The following TBC1D5 variants were observed in gnomAD, a reference collection of about 807,000 sequenced individuals.
TBC1D5 encodes TBC1 domain family member 5.
In TBC1D5, 75 loss-of-function variants were observed where a neutral mutation model predicts 100.3. The ratio of observed to expected loss-of-function variants is 0.75; its 90% confidence interval spans 0.62 to 0.91. The LOEUF (loss-of-function observed/expected upper bound fraction) is 0.91, where lower values mean the gene tolerates loss of function less well. Ranked by LOEUF, TBC1D5 falls within the 40% of genes least tolerant of loss-of-function variation. The probability of loss-of-function intolerance (pLI) is 0.00; values close to 1 mark genes in which losing one functional copy is unlikely to be tolerated. For missense variants in TBC1D5, 910 were observed against 942.4 expected, an observed-to-expected ratio of 0.97 and a Z score of 0.45; for synonymous variants, 323 against 325.6, an observed-to-expected ratio of 0.99 and a Z score of 0.09.
chr3:17,217,935 T>G (rs752881472), intron 17 of TBC1D5, among the ~76,000 whole-genome samples: 5 of 152,068 alleles, frequency 3.3e-5, no homozygotes, highest in Admixed American at 6.6e-5. Flanking sequence ...AACTACTGCC[T>G]AACCTGAGGT....
At chr3:17,561,163 T>C (rs2096556533) in intron 2 of TBC1D5, among the ~76,000 whole-genome samples, 1 of 152,172 alleles carries the variant, frequency 6.6e-6, no homozygotes, top group South Asian at 2.1e-4. Context: ...CAGGCATGTT[T>C]ACCTTAAAAT....
intron 18 of TBC1D5, among the ~76,000 whole-genome samples, chr3:17,186,504 T>A (rs958893681): frequency 6.6e-6 from 1 of 150,670 alleles, no homozygotes; most frequent in Non-Finnish European, 1.5e-5. Flanking sequence ...AGGTCAGGAG[T>A]TCGAGACCAG....
chr3:17,398,055 A>C (rs1483929355), intron 8 of TBC1D5, among the ~76,000 whole-genome samples: 1 of 152,186 alleles, frequency 6.6e-6, no homozygotes, highest in Non-Finnish European at 1.5e-5. Flanking sequence ...TCTAATATGG[A>C]AATGATATTT....
At chr3:17,515,938 G>C (rs1244127944) in intron 2 of TBC1D5, among the ~76,000 whole-genome samples, 1 of 152,094 alleles carries the variant, frequency 6.6e-6, no homozygotes, top group African/African-American at 2.4e-5. Context: ...ACTGTAGTTG[G>C]GGATTTTAAA....
intron 13 of TBC1D5, among the ~76,000 whole-genome samples, chr3:17,366,873 T>C (rs1383675136): frequency 3.3e-5 from 5 of 151,966 alleles, no homozygotes; most frequent in Admixed American, 3.3e-4. Context: ...TAACCAAGAA[T>C]CTCCCCAATT....
chr3:17,554,545 T>C (rs1244412163), intron 2 of TBC1D5, among the ~76,000 whole-genome samples: 1 of 152,218 alleles, frequency 6.6e-6, no homozygotes, highest in Non-Finnish European at 1.5e-5. Flanking sequence ...AACTTTACTT[T>C]CCTATTATTC....
At chr3:17,483,639 A>G (rs2095525896) in intron 3 of TBC1D5, among the ~76,000 whole-genome samples, 1 of 152,208 alleles carries the variant, frequency 6.6e-6, no homozygotes, top group African/African-American at 2.4e-5. Context: ...GTATATTATT[A>G]AAAGTGTTCA....
chr3:17,610,019 T>A (rs1187309487), intron 2 of TBC1D5, among the ~76,000 whole-genome samples: 1 of 152,236 alleles, frequency 6.6e-6, no homozygotes, highest in African/African-American at 2.4e-5. Flanking sequence ...CTCTCTTCTG[T>A]ACATTCAGAT....
intron 1 of TBC1D5, among the ~76,000 whole-genome samples, chr3:17,670,079 G>A (rs910812264): frequency 8.5e-5 from 13 of 152,110 alleles, no homozygotes; most frequent in Admixed American, 7.2e-4. Flanking sequence ...GTAGAGATGG[G>A]TTTTCACTAT....
intron 15 of TBC1D5, among the ~76,000 whole-genome samples, chr3:17,274,495 A>G (rs1173458873): frequency 1.3e-5 from 2 of 152,234 alleles, no homozygotes; most frequent in African/African-American, 2.4e-5. Flanking sequence ...AGTGGAATAC[A>G]TAATAGAAAT....
intron 8 of TBC1D5, among the ~76,000 whole-genome samples, chr3:17,384,986 G>C (rs1488589615): frequency 1.3e-5 from 2 of 152,170 alleles, no homozygotes; most frequent in East Asian, 3.9e-4. Context: ...GAGTAGCATA[G>C]GAAGGACTTA....
intron 3 of TBC1D5, among the ~76,000 whole-genome samples, chr3:17,450,437 G>A (rs985757763): frequency 3.3e-5 from 5 of 152,080 alleles, no homozygotes; most frequent in Non-Finnish European, 4.4e-5. Context: ...AAACTCCTCC[G>A]AGTTAAAGGA....
chr3:17,658,526 A>G (rs1028740742), intron 1 of TBC1D5, among the ~76,000 whole-genome samples: 9 of 152,228 alleles, frequency 5.9e-5, no homozygotes, highest in African/African-American at 2.2e-4. Flanking sequence ...AATGCAGAAA[A>G]GTAAAGAGAA....
At chr3:17,434,317 G>A (rs2094496861) in intron 3 of TBC1D5, among the ~76,000 whole-genome samples, 1 of 152,198 alleles carries the variant, frequency 6.6e-6, no homozygotes, top group African/African-American at 2.4e-5. Context: ...GGACATCCAG[G>A]TGTTTCCATA....
At chr3:17,545,949 G>A (rs1305065612) in intron 2 of TBC1D5, among the ~76,000 whole-genome samples, 1 of 151,952 alleles carries the variant, frequency 6.6e-6, no homozygotes. Flanking sequence ...CCAACTCAAG[G>A]TATAGATGTA....
intron 2 of TBC1D5, among the ~76,000 whole-genome samples, chr3:17,535,981 T>G (rs2096277973): frequency 6.6e-6 from 1 of 152,126 alleles, no homozygotes; most frequent in African/African-American, 2.4e-5. Flanking sequence ...AACAGTAAAC[T>G]AAAACTATGT....
chr3:17,733,692 T>C (rs975666046), intron 1 of TBC1D5, among the ~76,000 whole-genome samples: 8 of 152,110 alleles, frequency 5.3e-5, no homozygotes, highest in Non-Finnish European at 8.8e-5. Flanking sequence ...TATCAAAACA[T>C]TGTATTTCAA....
chr3:17,732,299 C>G (rs2076627501), intron 1 of TBC1D5, among the ~76,000 whole-genome samples: 1 of 151,934 alleles, frequency 6.6e-6, no homozygotes, highest in Non-Finnish European at 1.5e-5. Context: ...GCCTGGGCAA[C>G]AGAGCGAGAC....
At chr3:17,506,505 T>C (rs2095846508) in intron 3 of TBC1D5, among the ~76,000 whole-genome samples, 2 of 152,212 alleles carry the variant, frequency 1.3e-5, no homozygotes, top group South Asian at 4.1e-4. Context: ...CGAAAGTTTC[T>C]ATTCATTTTA....
Sources: allele counts gnomAD v4.1 joint callset (sites outside exome capture counted in the v4.1 genomes callset), GRCh38; gene constraint gnomAD v4.1.1; transcripts MANE v1.5; gene names NCBI Gene and HGNC (gene_info 2026-07-23, HGNC 2026-07-21).